The following TSPAN9 variants were observed in gnomAD, a reference collection of about 807,000 sequenced individuals.
TSPAN9 encodes the protein tetraspanin-9.
TSPAN9 carries 16 observed loss-of-function variants against 31.0 expected under a neutral mutation model. The ratio of observed to expected loss-of-function variants is 0.52; its 90% CI spans 0.35 to 0.78. The LOEUF (loss-of-function observed/expected upper bound fraction) is 0.78. Ranked by LOEUF, TSPAN9 falls within the 30% of genes least tolerant of loss-of-function variation. The pLI is 0.01. For synonymous variants in TSPAN9, 145 were observed against 121.6 expected, an observed-to-expected ratio of 1.19 and a Z score of -1.27; for missense variants, 272 against 312.5, an observed-to-expected ratio of 0.87 and a Z score of 0.98.
chr12:3,230,187 A>G (rs1022708033), intron 3 of TSPAN9, among the ~76,000 whole-genome samples: 4 of 152,116 alleles, frequency 2.6e-5, no homozygotes, highest in African/African-American at 9.7e-5. Context: ...CCCAGAGCCT[A>G]TGGGGGACTC....
At chr12:3,118,256 G>T (rs1484228977) in intron 2 of TSPAN9, among the ~76,000 whole-genome samples, 19 of 31,564 alleles carry the variant, frequency 6.0e-4, no homozygotes, top group Admixed American at 2.6e-3. Flanking sequence ...TGCACCCGCC[G>T]TTTTTTTTTT....
At chr12:3,271,988 T>A (rs931181425) in intron 3 of TSPAN9, among the ~76,000 whole-genome samples, 2 of 152,222 alleles carry the variant, frequency 1.3e-5, no homozygotes, top group African/African-American at 2.4e-5. Flanking sequence ...TTTTCTTTTT[T>A]AAAAATTCTC....
Position 3,078,688 on chromosome 12 carries a change from G to A in TSPAN9, c.-85+1235G>A, listed in dbSNP as rs757232711. ...AGCTGGGCTGTGGGTTGGAGGGAGA[G>A]GATTGGGGTAGATAAAACTTGAAGT... On this transcript the variant is annotated intron_variant, in intron 1 of 8. Coordinates refer to ENST00000011898, the MANE Select transcript of TSPAN9 (RefSeq NM_006675.5). 2.0e-4 allele frequency among the ~76,000 whole-genome samples: 30 copies of A among 152,100 alleles called. 2 individuals carry two copies. Among genetic ancestry groups the A allele is most frequent in the Non-Finnish European group, 3.1e-4 (21 of 68,028 alleles).
chr12:3,112,387 G>T (rs1387379772), intron 2 of TSPAN9, among the ~76,000 whole-genome samples: 1 of 151,648 alleles, frequency 6.6e-6, no homozygotes, highest in East Asian at 1.9e-4. Context: ...TGTTGGTCAG[G>T]CTGGTCGCAA....
chr12:3,254,797 T>G (rs1422000621), intron 3 of TSPAN9, among the ~76,000 whole-genome samples: 1 of 152,208 alleles, frequency 6.6e-6, no homozygotes, highest in African/African-American at 2.4e-5. Context: ...CCTTATAATA[T>G]TGATTCCAAG....
rs2098370487 is a variant in TSPAN9, at chr12:3,200,132, G to A, written c.-17-1045G>A. 4 of 152,282 alleles carry A rather than the reference G, an allele frequency of 2.6e-5. 1 individual carries two copies. The highest frequency in any genetic ancestry group is 1.3e-4 in the Admixed American group (2 of 15,258). The allele number at this position is 152,282 out of a possible 1,614,324, so 9.4% of individuals were successfully genotyped here. A position where few individuals can be genotyped will look rare whatever the true frequency, so the allele number is the denominator to read the frequency against. On this transcript the variant is annotated intron_variant, in intron 2 of 8. Coordinates refer to ENST00000011898, the MANE Select transcript of TSPAN9 (RefSeq NM_006675.5). The stretch of plus-strand genomic sequence containing the variant: ...TTCTGGTTCACCCCTCAGCTGCAGA[G>A]CCCTTGACATTTAGCGAGTGCTCGC...
chr12:3,155,302 G>C (rs1376193246), intron 2 of TSPAN9, among the ~76,000 whole-genome samples: 2 of 152,206 alleles, frequency 1.3e-5, no homozygotes, highest in African/African-American at 2.4e-5. Context: ...CTCACACACA[G>C]AGCATAACAC....
At chr12:3,258,260 G>A (rs537976598) in intron 3 of TSPAN9, among the ~76,000 whole-genome samples, 2 of 152,198 alleles carry the variant, frequency 1.3e-5, no homozygotes, top group Non-Finnish European at 2.9e-5. Flanking sequence ...GCTCAGTCTC[G>A]GGCTGAGTCC....
intron 3 of TSPAN9, among the ~76,000 whole-genome samples, chr12:3,219,846 ATT>A: frequency 1.2e-5 from 1 of 80,710 alleles, no homozygotes; most frequent in Non-Finnish European, 2.4e-5. Flanking sequence ...AACTTAAACT[ATT>A]AAAAAAAAAA....
At chr12:3,121,028 C>T (rs2098324815) in intron 2 of TSPAN9, among the ~76,000 whole-genome samples, 1 of 149,198 alleles carries the variant, frequency 6.7e-6, no homozygotes, top group African/African-American at 2.4e-5. Context: ...GGTTGTGGCT[C>T]AGTCACAGGA....
chr12:3,166,625 G>T (rs1480346340), intron 2 of TSPAN9, among the ~76,000 whole-genome samples: 1 of 152,180 alleles, frequency 6.6e-6, no homozygotes, highest in African/African-American at 2.4e-5. Context: ...AGCATTTGAT[G>T]AATTTTTATA....
At chr12:3,089,471 A>AT (rs1219653770) in intron 2 of TSPAN9, among the ~76,000 whole-genome samples, 2 of 151,132 alleles carry the variant, frequency 1.3e-5, no homozygotes, top group East Asian at 2.0e-4. Flanking sequence ...TAATTTTTGT[A>AT]TTTTTAGTAG....
chr12:3,154,832 C>T (rs1818109537), intron 2 of TSPAN9, among the ~76,000 whole-genome samples: 1 of 152,250 alleles, frequency 6.6e-6, no homozygotes, highest in Non-Finnish European at 1.5e-5. Flanking sequence ...GATTCCATGA[C>T]TGCCTGCATG....
intron 3 of TSPAN9, among the ~76,000 whole-genome samples, chr12:3,244,268 C>T (rs953190222): frequency 6.6e-5 from 10 of 152,138 alleles, no homozygotes; most frequent in African/African-American, 1.9e-4. Context: ...AGTAGGTAAG[C>T]GGGTCTTGGC....
chr12:3,268,186 T>TCCTGCAGCCTGCCCTCCGTGCGTC (rs1862575614), intron 3 of TSPAN9, among the ~76,000 whole-genome samples: 1 of 148,812 alleles, frequency 6.7e-6, no homozygotes, highest in Non-Finnish European at 1.5e-5. Context: ...CTCCGTGCGT[T>TCCTGCAGCCTGCCCTCCGTGCGTC]CCTGCAGCCT....
chr12:3,219,848 TAA>T (rs552211012), intron 3 of TSPAN9, among the ~76,000 whole-genome samples: 1 of 135,916 alleles, frequency 7.4e-6, no homozygotes, highest in African/African-American at 2.8e-5. Context: ...CTTAAACTAT[TAA>T]AAAAAAAAAA....
chr12:3,259,746 G>A (rs1201681534), intron 3 of TSPAN9, among the ~76,000 whole-genome samples: 1 of 152,238 alleles, frequency 6.6e-6, no homozygotes, highest in Non-Finnish European at 1.5e-5. Flanking sequence ...AACCCAGCAC[G>A]GGGGTGGCGA....
intron 3 of TSPAN9, chr12:3,206,405 C>T: frequency 2.2e-6 from 1 of 455,552 alleles, no homozygotes; most frequent in Non-Finnish European, 4.4e-6. Flanking sequence ...GAACACAGGG[C>T]TGTCAAGGGA....
At chr12:3,152,824 G>A (rs994945820) in intron 2 of TSPAN9, among the ~76,000 whole-genome samples, 1 of 152,208 alleles carries the variant, frequency 6.6e-6, no homozygotes, top group African/African-American at 2.4e-5. Context: ...CTGACCTCAG[G>A]TGATCCACCC....
Sources: allele counts gnomAD v4.1 joint callset (sites outside exome capture counted in the v4.1 genomes callset), GRCh38; gene constraint gnomAD v4.1.1; transcripts MANE v1.5; gene names NCBI Gene and HGNC (gene_info 2026-07-23, HGNC 2026-07-21).